Variants in LRRC38 observed in about 807,000 individuals in gnomAD.
LRRC38 encodes the protein leucine rich repeat containing 38, also known as leucine-rich repeat-containing protein 38.
A neutral mutation model predicts 16.4 loss-of-function variants in LRRC38; 5 were observed. That is an observed-to-expected ratio of 0.31 (90% CI 0.16 to 0.64). The LOEUF (loss-of-function observed/expected upper bound fraction) is 0.64, where lower values mean the gene tolerates loss of function less well. LRRC38 is among the 30% of genes least tolerant of loss of function. The pLI, the probability that LRRC38 is intolerant of heterozygous loss-of-function variation, is 0.80. For synonymous variants in LRRC38, 191 were observed against 190.2 expected (o/e 1.00, Z -0.04); for missense variants, 341 against 401.8 (o/e 0.85, Z 1.29).
intron 1 of LRRC38, among the ~76,000 whole-genome samples, chr1:13,480,211 G>C (rs1054033272): frequency 1.3e-5 from 2 of 152,236 alleles, no homozygotes; most frequent in African/African-American, 4.8e-5. Context: ...TGGGCATGGT[G>C]GCGCATGCCT....
In LRRC38 at chr1:13,509,556, G is replaced by T. The variant is rs558127307; in HGVS notation, c.631+3407C>A. 1.2e-4 allele frequency among the ~76,000 whole-genome samples: 18 copies of T among 152,172 alleles called. No homozygotes were observed. In the East Asian group the frequency reaches 1.7e-3, roughly 15 times the overall value. ...CCTTCCACACTGTGACAGCATCTCA[G>T]GCCCATGAGCCCAGAGCCCCAGTGT... On this transcript the variant is annotated intron_variant, in intron 1 of 1. Coordinates refer to ENST00000376085, the MANE Select transcript of LRRC38 (RefSeq NM_001010847.2).
chr1:13,482,846 C>G (rs921677805), intron 1 of LRRC38, among the ~76,000 whole-genome samples: 152,328 of 152,330 alleles, frequency 1, 76,163 homozygotes, highest in Non-Finnish European at 1. Context: ...TAGCACACTT[C>G]AAGCTTCACA....
At chr1:13,498,500 G>A (rs1232007402) in intron 1 of LRRC38, among the ~76,000 whole-genome samples, 8 of 152,038 alleles carry the variant, frequency 5.3e-5, no homozygotes, top group African/African-American at 1.9e-4. Context: ...GCGTGGTGGT[G>A]CATGCCTGTA....
At chr1:13,477,686 A>G (rs1030103122) in intron 1 of LRRC38, among the ~76,000 whole-genome samples, 4 of 152,120 alleles carry the variant, frequency 2.6e-5, no homozygotes, top group South Asian at 2.1e-4. Flanking sequence ...AAATTTTTAA[A>G]AATTAGCCAG....
chr1:13,488,266 CTTTTTT>C (rs113805396), intron 1 of LRRC38, among the ~76,000 whole-genome samples: 1 of 140,350 alleles, frequency 7.1e-6, no homozygotes, highest in African/African-American at 2.7e-5. Context: ...GCCTTGCACA[CTTTTTT>C]TTTTTTTTTT....
At chr1:13,480,120 G>A (rs1267335777) in intron 1 of LRRC38, among the ~76,000 whole-genome samples, 1 of 152,180 alleles carries the variant, frequency 6.6e-6, no homozygotes, top group Non-Finnish European at 1.5e-5. Context: ...CGAGGCGGGT[G>A]GATTACCTGA....
chr1:13,509,019 G>C (rs547497815), intron 1 of LRRC38, among the ~76,000 whole-genome samples: 89 of 152,232 alleles, frequency 5.8e-4, no homozygotes, highest in Non-Finnish European at 1.2e-3. Flanking sequence ...TCTGCCCCAT[G>C]GGGTACCCAA....
chr1:13,507,157 G>T (rs1639223875), intron 1 of LRRC38, among the ~76,000 whole-genome samples: 1 of 152,218 alleles, frequency 6.6e-6, no homozygotes, highest in Non-Finnish European at 1.5e-5. Context: ...ACCCCTCGGT[G>T]AGGTTACCTT....
At chr1:13,486,278 CCCTTA>C (rs1476103879) in intron 1 of LRRC38, among the ~76,000 whole-genome samples, 4 of 152,274 alleles carry the variant, frequency 2.6e-5, no homozygotes, top group East Asian at 1.9e-4. Flanking sequence ...CTCTGCCCTT[CCCTTA>C]CAAGGACATC....
At chr1:13,509,274 GCT>G (rs1639248239) in intron 1 of LRRC38, among the ~76,000 whole-genome samples, 1 of 152,118 alleles carries the variant, frequency 6.6e-6, no homozygotes, top group African/African-American at 2.4e-5. Context: ...GCCACACGTG[GCT>G]GCAGCTAGAA....
intron 1 of LRRC38, among the ~76,000 whole-genome samples, chr1:13,501,518 C>T (rs1639149186): frequency 6.8e-6 from 1 of 147,084 alleles, no homozygotes; most frequent in African/African-American, 2.6e-5. Flanking sequence ...AAGCAATTCT[C>T]CTGCCTCAGC....
chr1:13,506,875 C>T (rs1184307092), intron 1 of LRRC38, among the ~76,000 whole-genome samples: 3 of 152,224 alleles, frequency 2.0e-5, no homozygotes, highest in Non-Finnish European at 4.4e-5. Context: ...ACTGTGCAGC[C>T]ACTTGGCTTA....
intron 1 of LRRC38, among the ~76,000 whole-genome samples, chr1:13,508,495 A>G (rs981640918): frequency 3.3e-5 from 5 of 152,256 alleles, no homozygotes; most frequent in African/African-American, 1.2e-4. Context: ...CCAATTCAGT[A>G]ACAGAAAAAA....
At position 13,475,546 on chromosome 1, in the gene LRRC38, A is replaced by C. The variant is rs933286034; in HGVS notation, c.*300T>G. 2 of 326,116 alleles carry C rather than the reference A, an allele frequency of 6.1e-6. No homozygotes were observed. The highest frequency in any genetic ancestry group is 1.1e-5 in the Non-Finnish European group (2 of 174,692). 20.2% of individuals were successfully genotyped at this position (326,116 alleles called of 1,614,324 possible). A position where few individuals can be genotyped will look rare whatever the true frequency, so the allele number is the denominator to read the frequency against. On this transcript the variant is annotated 3_prime_UTR_variant, in exon 2 of 2. Transcript: ENST00000376085. The surrounding 1 kb of genome is among the most constrained non-coding windows in gnomAD (Gnocchi z 4.3). ...TTCACATTTCCTGGGGGAGGCTTTT[A>C]GTCATCAGCTATGAAGCCTGACTCG...
intron 1 of LRRC38, among the ~76,000 whole-genome samples, chr1:13,483,975 G>A (rs1267587553): frequency 6.6e-6 from 1 of 151,848 alleles, no homozygotes; most frequent in East Asian, 1.9e-4. Context: ...GAGGGAGCGA[G>A]TACGCATGTG....
At position 13,505,467 on chromosome 1, in the gene LRRC38, C is replaced by T. The variant is rs1390363447; in HGVS notation, c.631+7496G>A. On this transcript the variant is annotated intron_variant, in intron 1 of 1. Transcript: ENST00000376085. ...TATTTGCTGAAAACAAAAACAAAGGCCAGTGATTTGGGCCCGTCCCTGGAT... is the reference window on the plus strand; with the variant it reads ...TATTTGCTGAAAACAAAAACAAAGGTCAGTGATTTGGGCCCGTCCCTGGAT... Among the ~76,000 whole-genome samples the T allele has an allele frequency of 2.0e-5, 3 of 152,190 alleles. No homozygotes were observed. In the East Asian group the frequency reaches 5.8e-4, roughly 29 times the overall value.
At chr1:13,493,961 G>T (rs1639050033) in intron 1 of LRRC38, among the ~76,000 whole-genome samples, 1 of 152,192 alleles carries the variant, frequency 6.6e-6, no homozygotes, top group South Asian at 2.1e-4. Context: ...TACTCGGGAA[G>T]CTGAGGCAGG....
intron 1 of LRRC38, among the ~76,000 whole-genome samples, chr1:13,490,721 G>A (rs924826435): frequency 2.0e-5 from 3 of 152,182 alleles, no homozygotes; most frequent in African/African-American, 7.2e-5. Context: ...GGCAGTGTGA[G>A]GAAATCTAGG....
At chr1:13,486,556 A>G (rs369891720) in intron 1 of LRRC38, among the ~76,000 whole-genome samples, 60 of 142,098 alleles carry the variant, frequency 4.2e-4, no homozygotes, top group African/African-American at 1.5e-3. Context: ...TGGAGCAATC[A>G]TCTCTCACCC....
Sources: gnomAD v4.1 joint callset for allele counts (sites outside exome capture counted in the v4.1 genomes callset) on GRCh38, gnomAD v4.1.1 for gene constraint, Gnocchi (gnomAD v3.1) non-coding constraint, MANE v1.5 for transcripts, NCBI Gene and HGNC (gene_info 2026-07-23, HGNC 2026-07-21) for gene names.